The following TSPEAR variants were observed in gnomAD, a reference collection of about 807,000 sequenced individuals.
The protein encoded by TSPEAR is thrombospondin type laminin G domain and EAR repeats.
A neutral mutation model predicts 71.6 loss-of-function variants in TSPEAR; 69 were observed. That is an observed-to-expected ratio of 0.96 (90% CI 0.79 to 1.18). The LOEUF is 1.18. Among genes scored for constraint, TSPEAR ranks in the 50% most tolerant of loss-of-function variants. The pLI is 0.00. For missense variants in TSPEAR, 971 were observed against 894.9 expected (o/e 1.09, Z -1.09); for synonymous variants, 402 against 387.2 (o/e 1.04, Z -0.45).
intron 1 of TSPEAR, among the ~76,000 whole-genome samples, chr21:44,682,915 G>A (rs1986678110): frequency 6.6e-6 from 1 of 152,170 alleles, no homozygotes. Context: ...GCCCCACACT[G>A]TGGAAGCTGA....
chr21:44,568,166 A>G (rs1380852275), intron 1 of TSPEAR, among the ~76,000 whole-genome samples, 161 bp from the exon 2 acceptor site: 9 of 152,172 alleles, frequency 5.9e-5, no homozygotes, highest in Admixed American at 5.2e-4. Context: ...AGTGGTAAGG[A>G]AACAGAGGCA....
At chr21:44,563,387 A>G (rs1029654002) in intron 2 of TSPEAR, among the ~76,000 whole-genome samples, 4 of 152,208 alleles carry the variant, frequency 2.6e-5, no homozygotes, top group Non-Finnish European at 5.9e-5. Flanking sequence ...ATCTTTTTGT[A>G]TCTCACTGGT....
chr21:44,553,080 C>T (rs2053470719), intron 2 of TSPEAR, among the ~76,000 whole-genome samples: 1 of 152,214 alleles, frequency 6.6e-6, no homozygotes, highest in South Asian at 2.1e-4. Context: ...AGAAAATGAC[C>T]CCCTAGTAGC....
chr21:44,513,634 G>C (rs2052464885), intron 9 of TSPEAR, among the ~76,000 whole-genome samples: 2 of 152,222 alleles, frequency 1.3e-5, no homozygotes, highest in South Asian at 4.1e-4. Context: ...GGAGCACCTG[G>C]AGCCCCCAAC....
chr21:44,627,656 G>A, intron 1 of TSPEAR: 1 of 1,613,422 alleles, frequency 6.2e-7, no homozygotes, highest in Non-Finnish European at 8.5e-7. Context: ...TCCTATTCAT[G>A]CTGCCAACAG....
chr21:44,643,705 TCACACACATA>T (rs1313677184), intron 1 of TSPEAR, among the ~76,000 whole-genome samples: 2 of 152,002 alleles, frequency 1.3e-5, no homozygotes, highest in Non-Finnish European at 2.9e-5. Flanking sequence ...ACACACACAT[TCACACACATA>T]CACACACACA....
At chr21:44,514,118 G>C (rs1461923417) in intron 9 of TSPEAR, among the ~76,000 whole-genome samples, 1 of 152,190 alleles carries the variant, frequency 6.6e-6, no homozygotes. Context: ...CCTTCCTGGA[G>C]CCCTCCCGCC....
At chr21:44,575,373 A>T (rs1275271874) in intron 1 of TSPEAR, 19 of 278,474 alleles carry the variant, frequency 6.8e-5, no homozygotes, top group African/African-American at 1.1e-4. Context: ...TGGCGCTGAC[A>T]CCCAGGTGTG....
intron 1 of TSPEAR, chr21:44,574,967 C>T: frequency 6.2e-7 from 1 of 1,612,444 alleles, no homozygotes; most frequent in Non-Finnish European, 8.5e-7. Flanking sequence ...TCCTCTGACG[C>T]CCCGTGTGCT....
rs587736432 is a variant in TSPEAR at position 44,627,528 on chromosome 21, G to T, written c.83-59523C>A. The stretch of plus-strand genomic sequence containing the variant: ...TGCCCGTCTGCTGTGGGGCTTCTTC[G>T]TGCTGCCAACAGTCTAGCTACCAGC... On this transcript the variant is annotated intron_variant, in intron 1 of 11. Coordinates refer to ENST00000323084, the MANE Select transcript of TSPEAR (RefSeq NM_144991.3). 3 of 1,531,850 alleles carry T rather than the reference G, an allele frequency of 2.0e-6. No homozygotes were observed. In the South Asian group the frequency reaches 3.8e-5, roughly 19 times the overall value. The allele number at this position is 1,531,850 out of a possible 1,614,324, so 94.9% of individuals were successfully genotyped here. A position where few individuals can be genotyped will look rare whatever the true frequency, so the allele number is the denominator to read the frequency against.
intron 1 of TSPEAR, among the ~76,000 whole-genome samples, chr21:44,578,765 C>G (rs898994782): frequency 8.5e-5 from 13 of 152,146 alleles, no homozygotes; most frequent in African/African-American, 2.7e-4. Context: ...GGAAGGCCAT[C>G]CCCCCAGAAA....
rs782777322 is a variant in TSPEAR at position 44,642,758 on chromosome 21, C to T, written c.82+68675G>A. 8.4e-4 allele frequency among the ~76,000 whole-genome samples: 128 copies of T among 152,064 alleles called. No homozygotes were observed. The highest frequency in any genetic ancestry group is 1.6e-3 in the Non-Finnish European group (109 of 67,996). On this transcript the variant is annotated intron_variant, in intron 1 of 11. Coordinates refer to ENST00000323084, the MANE Select transcript of TSPEAR (RefSeq NM_144991.3). This position sits in a 1 kb window ranked among gnomAD's most constrained non-coding sequence, Gnocchi z 4.1. Reference sequence around the variant, plus strand: ...CTGGGAGGCTGAGGCAGGAGAATGGCGTGAACCTGGGAGGCAGAGCTTGCA... The same window carrying T: ...CTGGGAGGCTGAGGCAGGAGAATGGTGTGAACCTGGGAGGCAGAGCTTGCA...
At chr21:44,535,996 C>A (rs148029000) in intron 2 of TSPEAR, among the ~76,000 whole-genome samples, 2 of 152,132 alleles carry the variant, frequency 1.3e-5, no homozygotes, top group East Asian at 3.9e-4. Context: ...AACTTTGCTT[C>A]CACTCCAAGC....
intron 1 of TSPEAR, among the ~76,000 whole-genome samples, chr21:44,683,873 G>A (rs1259706408): frequency 6.6e-6 from 1 of 152,188 alleles, no homozygotes; most frequent in Non-Finnish European, 1.5e-5. Flanking sequence ...GGGAATCTCA[G>A]TAGAGTAATT....
At chr21:44,522,377 A>G (rs2052753341) in intron 8 of TSPEAR, among the ~76,000 whole-genome samples, 1 of 152,164 alleles carries the variant, frequency 6.6e-6, no homozygotes, top group African/African-American at 2.4e-5. Context: ...GTACATCTCC[A>G]TGGCCTCCCC....
At position 44,682,283 on chromosome 21, in the gene TSPEAR, C is replaced by G. The variant is rs1448523176; in HGVS notation, c.82+29150G>C. 4 of 827,068 alleles carry G rather than the reference C, an allele frequency of 4.8e-6. No individual in the cohort carries two copies. In the African/African-American group the frequency reaches 6.9e-5, roughly 14 times the overall value. 51.2% of individuals were successfully genotyped at this position (827,068 alleles called of 1,614,324 possible). Reference sequence around the variant, plus strand: ...TTCCTCAAGGCTGTTTCCTGGAACTCAGTTTTCTGTCGTAGATGATGTTTT... The same window carrying G: ...TTCCTCAAGGCTGTTTCCTGGAACTGAGTTTTCTGTCGTAGATGATGTTTT... On this transcript the variant is annotated intron_variant, in intron 1 of 11. Coordinates refer to ENST00000323084, the MANE Select transcript of TSPEAR (RefSeq NM_144991.3).
At chr21:44,596,630 A>G (rs1414527341) in intron 1 of TSPEAR, among the ~76,000 whole-genome samples, 1 of 152,250 alleles carries the variant, frequency 6.6e-6, no homozygotes, top group African/African-American at 2.4e-5. Flanking sequence ...GCAGCAAGTC[A>G]TCTGGGTAGT....
rs182061406 is a variant in TSPEAR at position 44,558,600 on chromosome 21, G to A, written c.303+9185C>T. ...GCAGACCAGGGTCAGGCAGGGGGCC[G>A]GGGCGCAGCAGCTGGTGGCGCAGCA... On this transcript the variant is annotated intron_variant, in intron 2 of 11. Coordinates refer to ENST00000323084, the MANE Select transcript of TSPEAR (RefSeq NM_144991.3). 6,454 of 1,611,756 alleles carry A rather than the reference G, an allele frequency of 4.0e-3. 18 individuals are homozygous for A. Among genetic ancestry groups the A allele is most frequent in the Admixed American group, 5.2e-3 (313 of 59,968 alleles).
At chr21:44,676,785 T>C (rs1042706008) in intron 1 of TSPEAR, 4 of 884,954 alleles carry the variant, frequency 4.5e-6, no homozygotes, top group Non-Finnish European at 7.8e-6. Flanking sequence ...GATGTTCTAA[T>C]GCTTTTGCTA....
Sources: gnomAD v4.1 joint callset for allele counts (sites outside exome capture counted in the v4.1 genomes callset) on GRCh38, gnomAD v4.1.1 for gene constraint, Gnocchi (gnomAD v3.1) non-coding constraint, MANE v1.5 for transcripts, NCBI Gene and HGNC (gene_info 2026-07-23, HGNC 2026-07-21) for gene names.